Variants in HS6ST3 observed in about 807,000 individuals in gnomAD.
HS6ST3 encodes heparan sulfate 6-O-sulfotransferase 3.
In HS6ST3, 12 loss-of-function variants were observed where a neutral mutation model predicts 36.7. The observed-to-expected ratio is 0.33, with a 90% confidence interval of 0.21 to 0.53. The LOEUF (loss-of-function observed/expected upper bound fraction) is 0.53. Ranked by LOEUF, HS6ST3 falls within the 20% of genes least tolerant of loss-of-function variation. The probability of loss-of-function intolerance (pLI) is 0.95; values close to 1 mark genes in which losing one functional copy is unlikely to be tolerated. For missense variants in HS6ST3, 584 were observed against 640.9 expected, an observed-to-expected ratio of 0.91 and a Z score of 0.96; for synonymous variants, 240 against 257.5, an observed-to-expected ratio of 0.93 and a Z score of 0.65.
intron 1 of HS6ST3, among the ~76,000 whole-genome samples, chr13:96,104,971 T>C (rs1409995636): frequency 6.6e-6 from 1 of 151,222 alleles, no homozygotes; most frequent in East Asian, 1.9e-4. Context: ...CTTAAAACAG[T>C]TATCAAGATT....
chr13:96,655,626 AT>A (rs372941960), intron 1 of HS6ST3, among the ~76,000 whole-genome samples: 1 of 151,844 alleles, frequency 6.6e-6, no homozygotes, highest in Non-Finnish European at 1.5e-5. Flanking sequence ...AAAAATTCTG[AT>A]TTTTTTTGAT....
intron 1 of HS6ST3, among the ~76,000 whole-genome samples, chr13:96,411,633 G>A (rs2055507909): frequency 6.6e-6 from 1 of 152,194 alleles, no homozygotes; most frequent in Admixed American, 6.5e-5. Context: ...ACTCAGATTT[G>A]TGTTTTAGAA....
intron 1 of HS6ST3, among the ~76,000 whole-genome samples, chr13:96,183,479 C>T (rs1414929793): frequency 6.6e-6 from 1 of 152,142 alleles, no homozygotes; most frequent in Non-Finnish European, 1.5e-5. Context: ...CCCCCACCCC[C>T]TTCTAATTAT....
At chr13:96,331,829 C>T (rs965674728) in intron 1 of HS6ST3, among the ~76,000 whole-genome samples, 12 of 152,110 alleles carry the variant, frequency 7.9e-5, no homozygotes, top group East Asian at 1.9e-4. Context: ...TAGCAATCAG[C>T]GAGACTCCGT....
chr13:96,566,621 T>C (rs1239383465), intron 1 of HS6ST3, among the ~76,000 whole-genome samples: 1 of 152,092 alleles, frequency 6.6e-6, no homozygotes, highest in African/African-American at 2.4e-5. Flanking sequence ...GACAACTGGG[T>C]AATTTATTAA....
At chr13:96,408,099 C>G (rs189641652) in intron 1 of HS6ST3, among the ~76,000 whole-genome samples, 1,606 of 152,180 alleles carry the variant, frequency 0.011, 24 homozygotes, top group Non-Finnish European at 0.011. Context: ...ACCACCATGC[C>G]CAGCTAATTT....
intron 1 of HS6ST3, among the ~76,000 whole-genome samples, chr13:96,511,089 A>C (rs557430255): frequency 5.3e-5 from 8 of 152,126 alleles, no homozygotes; most frequent in Non-Finnish European, 1.2e-4. Context: ...GTAAGTTGGG[A>C]TTGACTCAGC....
intron 1 of HS6ST3, among the ~76,000 whole-genome samples, chr13:96,283,171 T>C (rs979472734): frequency 1.3e-5 from 2 of 152,252 alleles, no homozygotes; most frequent in African/African-American, 4.8e-5. Flanking sequence ...CAAGCAAATG[T>C]TTGATCTATA....
intron 1 of HS6ST3, among the ~76,000 whole-genome samples, chr13:96,384,741 A>G (rs1350626882): frequency 6.6e-6 from 1 of 152,094 alleles, no homozygotes; most frequent in Non-Finnish European, 1.5e-5. Context: ...CTCAACCTTT[A>G]CTTACCAAAC....
intron 1 of HS6ST3, among the ~76,000 whole-genome samples, chr13:96,170,200 C>G (rs536201077): frequency 1.3e-5 from 2 of 152,108 alleles, no homozygotes; most frequent in African/African-American, 2.4e-5. Context: ...TAAATGACAC[C>G]GGGTGCTCTA....
chr13:96,571,738 G>T (rs986585731), intron 1 of HS6ST3, among the ~76,000 whole-genome samples: 4 of 152,182 alleles, frequency 2.6e-5, no homozygotes, highest in African/African-American at 9.7e-5. Flanking sequence ...TTTAGGGATA[G>T]TTGACTCAGT....
chr13:96,112,029 G>C (rs987909401), intron 1 of HS6ST3, among the ~76,000 whole-genome samples: 11 of 152,192 alleles, frequency 7.2e-5, no homozygotes, highest in Non-Finnish European at 2.9e-5. Flanking sequence ...ATGAGGTAGA[G>C]TTAGTCCCAG....
intron 1 of HS6ST3, among the ~76,000 whole-genome samples, chr13:96,198,658 T>C (rs1363008953): frequency 6.6e-6 from 1 of 152,208 alleles, no homozygotes; most frequent in African/African-American, 2.4e-5. Context: ...GAGTCACCTT[T>C]ACTGCAGTTC....
chr13:96,750,135 A>G (rs1876662695), intron 1 of HS6ST3, among the ~76,000 whole-genome samples: 1 of 152,248 alleles, frequency 6.6e-6, no homozygotes, highest in Non-Finnish European at 1.5e-5. Flanking sequence ...CCCCTTATTT[A>G]CATATTTAAG....
At chr13:96,467,884 G>A (rs748384704) in intron 1 of HS6ST3, among the ~76,000 whole-genome samples, 18 of 152,112 alleles carry the variant, frequency 1.2e-4, no homozygotes, top group African/African-American at 2.7e-4. Context: ...CCCAGTACAC[G>A]TGTGGCATTC....
chr13:96,597,334 TAAAATA>T (rs2056405318), intron 1 of HS6ST3, among the ~76,000 whole-genome samples: 1 of 150,434 alleles, frequency 6.6e-6, no homozygotes, highest in Non-Finnish European at 1.5e-5. Flanking sequence ...CCCCTGAACT[TAAAATA>T]AAAGTTAAAG....
At chr13:96,760,151 T>G (rs1489659146) in intron 1 of HS6ST3, among the ~76,000 whole-genome samples, 1 of 152,060 alleles carries the variant, frequency 6.6e-6, no homozygotes, top group East Asian at 1.9e-4. Context: ...CTCTATCTTC[T>G]TTAAACTCTT....
At chr13:96,227,381 A>G (rs2054485973) in intron 1 of HS6ST3, among the ~76,000 whole-genome samples, 1 of 152,202 alleles carries the variant, frequency 6.6e-6, no homozygotes, top group Non-Finnish European at 1.5e-5. Context: ...ATTGGCACCT[A>G]TATGGCCACG....
chr13:96,792,713 G>C (rs558444899), intron 1 of HS6ST3, among the ~76,000 whole-genome samples: 1 of 152,024 alleles, frequency 6.6e-6, no homozygotes, highest in South Asian at 2.1e-4. Context: ...TTCAAGTGCA[G>C]TAGGGGAAGT....
Sources: gnomAD v4.1 joint callset for allele counts (sites outside exome capture counted in the v4.1 genomes callset) on GRCh38, gnomAD v4.1.1 for gene constraint, MANE v1.5 for transcripts, NCBI Gene and HGNC (gene_info 2026-07-23, HGNC 2026-07-21) for gene names.